Variants in MARCHF8 observed in about 807,000 individuals in gnomAD.
MARCHF8 encodes the protein membrane associated ring-CH-type finger 8.
MARCHF8 carries 40 observed loss-of-function variants against 51.6 expected under a neutral mutation model. The observed-to-expected ratio is 0.77, with a 90% CI of 0.60 to 1.01. The LOEUF is 1.01. Among genes scored for constraint, MARCHF8 ranks in the 50% least tolerant of loss-of-function variants. The pLI, the probability that MARCHF8 is intolerant of heterozygous loss-of-function variation, is 0.00. For synonymous variants in MARCHF8, 263 were observed against 280.3 expected (o/e 0.94, Z 0.62); for missense variants, 685 against 708.6 (o/e 0.97, Z 0.38).
At chr10:45,459,800 C>T in intron 6 of MARCHF8, 2 of 985,466 alleles carry the variant, frequency 2.0e-6, no homozygotes, top group Non-Finnish European at 2.4e-6. Context: ...GTTCCTGGTA[C>T]AAGCAGACTC....
At chr10:45,526,403 AC>A (rs1484442101) in intron 2 of MARCHF8, among the ~76,000 whole-genome samples, 14 of 152,106 alleles carry the variant, frequency 9.2e-5, no homozygotes, top group Middle Eastern at 3.4e-3. Context: ...GCTGTGGGAG[AC>A]CCCCTTGACC....
chr10:45,463,826 T>C lies in MARCHF8; in HGVS notation c.413A>G (p.Gln138Arg). ...GGTATTCTTAGCAGGCTTCAAGGCC[T>C]GGGCCCATTCTGAACCAAAGGAATT... The part of the protein sequence containing the change: ...KRNSFGSEWA[Q>R]ALKPAKNTKA... Residue 138 changes from glutamine (Q) to arginine (R), a missense_variant, in exon 5 of 8, where the codon CAG becomes CGG. Transcript: ENST00000453424. The C allele has an allele frequency of 1.3e-6, 2 of 1,546,946 alleles. No individual in the cohort carries two copies. The highest frequency in any genetic ancestry group is 1.7e-6 in the Non-Finnish European group (2 of 1,147,068).
At chr10:45,468,839 C>A (rs535854337) in intron 3 of MARCHF8, among the ~76,000 whole-genome samples, 3 of 152,072 alleles carry the variant, frequency 2.0e-5, no homozygotes, top group Admixed American at 6.6e-5. Flanking sequence ...TATGTGTTGG[C>A]GGAAGTGTTG....
chr10:45,589,492 C>G (rs1026005721), intron 1 of MARCHF8, among the ~76,000 whole-genome samples: 7 of 152,180 alleles, frequency 4.6e-5, no homozygotes. Flanking sequence ...ACAACCATCA[C>G]CACAATCAAT....
At chr10:45,494,304 G>A (rs752455871) in intron 2 of MARCHF8, among the ~76,000 whole-genome samples, 3 of 152,194 alleles carry the variant, frequency 2.0e-5, no homozygotes, top group Non-Finnish European at 4.4e-5. Context: ...CTGGAAAGTA[G>A]AAACCAATAA....
At chr10:45,476,020 A>G (rs1374505343) in intron 3 of MARCHF8, among the ~76,000 whole-genome samples, 1 of 152,222 alleles carries the variant, frequency 6.6e-6, no homozygotes, top group Non-Finnish European at 1.5e-5. Context: ...TGAGAATCAA[A>G]GCTAAAGTGC....
At chr10:45,539,549 T>G (rs951356216), upstream of MARCHF8, among the ~76,000 whole-genome samples, 1 of 151,980 alleles carries the variant, frequency 6.6e-6, no homozygotes, top group Non-Finnish European at 1.5e-5. Context: ...TTTGAAAAGA[T>G]CAACAAAATT....
At chr10:45,539,688 A>G (rs1287526365), upstream of MARCHF8, among the ~76,000 whole-genome samples, 1 of 152,222 alleles carries the variant, frequency 6.6e-6, no homozygotes, top group Non-Finnish European at 1.5e-5. Flanking sequence ...AATACTATAA[A>G]CACCTCTATG....
chr10:45,501,294 A>G (rs1375368218), intron 2 of MARCHF8, among the ~76,000 whole-genome samples: 1 of 152,176 alleles, frequency 6.6e-6, no homozygotes, highest in Admixed American at 6.5e-5. Context: ...ATACAGCCAG[A>G]GTAATCACTA....
At chr10:45,541,918 A>G (rs1341072879) in intron 1 of MARCHF8, among the ~76,000 whole-genome samples, 1 of 152,220 alleles carries the variant, frequency 6.6e-6, no homozygotes, top group African/African-American at 2.4e-5. Flanking sequence ...AGAGCAAAGG[A>G]CTACTGTTTT....
rs1040258554 is a variant in MARCHF8, at chr10:45,458,539, G to C, written c.1422C>G (p.Ile474Met). The C allele has an allele frequency of 1.9e-6, 3 of 1,578,980 alleles. No individual in the cohort carries two copies. The highest frequency in any genetic ancestry group is 2.6e-6 in the Non-Finnish European group (3 of 1,165,430). The part of the protein sequence containing the change: ...EEIKQGQATG[I>M]LEWPFWTKLV... The stretch of plus-strand genomic sequence containing the variant: ...ATTTAGTCCAAAAGGGCCATTCTAG[G>C]ATTCCTGGAAGGGAAAAACTCAGCC... The change falls in exon 8 of 8, where the codon ATC (isoleucine) becomes ATG (methionine). Residue 474 changes from isoleucine (I) to methionine (M), a missense_variant. Physicochemically the swap from Ile to Met is conservative, Grantham distance 10 (BLOSUM62 1). Coordinates refer to ENST00000453424, the MANE Select transcript of MARCHF8 (RefSeq NM_001282866.2).
upstream of MARCHF8, among the ~76,000 whole-genome samples, chr10:45,537,489 CA>C (rs1424353238): frequency 6.6e-6 from 1 of 151,696 alleles, no homozygotes; most frequent in Admixed American, 6.6e-5. Context: ...CACATCCCTA[CA>C]AAAAACTCAA....
intron 2 of MARCHF8, among the ~76,000 whole-genome samples, chr10:45,511,261 T>G (rs1384422397): frequency 6.6e-6 from 1 of 152,212 alleles, no homozygotes; most frequent in Non-Finnish European, 1.5e-5. Context: ...CAGATAAATT[T>G]CTGCCATTTT....
intron 1 of MARCHF8, among the ~76,000 whole-genome samples, chr10:45,588,778 C>T (rs1156793546): frequency 6.6e-6 from 1 of 152,028 alleles, no homozygotes; most frequent in Non-Finnish European, 1.5e-5. Flanking sequence ...GTGGGTGGAT[C>T]ACGAGGTCAA....
chr10:45,548,820 C>T (rs1010505969), intron 1 of MARCHF8, among the ~76,000 whole-genome samples: 12 of 151,920 alleles, frequency 7.9e-5, no homozygotes, highest in Non-Finnish European at 1.6e-4. Flanking sequence ...CATGGTGAAA[C>T]CCTGTCTCTA....
intron 3 of MARCHF8, among the ~76,000 whole-genome samples, chr10:45,476,411 A>T (rs1202111170): frequency 6.6e-6 from 1 of 152,084 alleles, no homozygotes; most frequent in Non-Finnish European, 1.5e-5. Flanking sequence ...AAAAAATACA[A>T]ATAAAAATTA....
intron 2 of MARCHF8, among the ~76,000 whole-genome samples, chr10:45,525,213 C>T (rs1203805777): frequency 6.6e-6 from 1 of 152,188 alleles, no homozygotes; most frequent in Non-Finnish European, 1.5e-5. Flanking sequence ...ATTGTGTTTA[C>T]TGACCATCAT....
rs1009415639 is a variant in MARCHF8, at chr10:45,459,067, C to G, written c.1417+53G>C. On this transcript the variant is annotated intron_variant, in intron 7 of 7. Coordinates refer to ENST00000453424, the MANE Select transcript of MARCHF8 (RefSeq NM_001282866.2). ...TGGAAAATCCTCTGACCCCAGGACT[C>G]CTGTGAGCTATCCCGGCCCCCATGC... 20 of 1,609,308 alleles carry G rather than the reference C, an allele frequency of 1.2e-5. No homozygotes were observed. In the African/African-American group the frequency reaches 2.3e-4, roughly 18 times the overall value.
intron 2 of MARCHF8, among the ~76,000 whole-genome samples, chr10:45,512,431 T>C (rs947046833): frequency 2.0e-5 from 3 of 146,574 alleles, no homozygotes; most frequent in Admixed American, 2.0e-4. Context: ...AGCCACCCCG[T>C]CCGGGAGGTG....
Sources: allele counts gnomAD v4.1 joint callset (sites outside exome capture counted in the v4.1 genomes callset), GRCh38; gene constraint gnomAD v4.1.1; transcripts MANE v1.5; gene names NCBI Gene and HGNC (gene_info 2026-07-23, HGNC 2026-07-21).